The following NAV2 variants were observed in gnomAD, a reference collection of about 807,000 sequenced individuals.
NAV2 encodes helicase, APC down-regulated 1.
A neutral mutation model predicts 223.2 loss-of-function variants in NAV2; 54 were observed. The observed-to-expected ratio is 0.24, with a 90% CI of 0.19 to 0.30. NAV2 has a LOEUF of 0.30. Ranked by LOEUF, NAV2 falls within the 10% of genes least tolerant of loss-of-function variation. The pLI is 1.00. For synonymous variants in NAV2, 1,279 were observed against 1,239.3 expected, an observed-to-expected ratio of 1.03 and a Z score of -0.67; for missense variants, 2,806 against 3,147.5, an observed-to-expected ratio of 0.89 and a Z score of 2.60.
chr11:19,713,874 C>A lies in NAV2; in HGVS notation c.179C>A (p.Ser60Ter). 1 of 1,613,700 alleles carries A rather than the reference C, an allele frequency of 6.2e-7. No individual in the cohort carries two copies. Among genetic ancestry groups the A allele is most frequent in the Non-Finnish European group, 8.5e-7 (1 of 1,179,944 alleles). ...TATCCTAGCCAGATCCCCCTGAAAT[C>A]GCAGGTGCTGCAGGGGCTGCAGGAG... ...TTYPSQIPLK[S>*]QVLQGLQEPA... Residue 60 changes from serine (S) to a stop codon, truncating the protein, a stop_gained, in exon 1 of 38, where the codon TCG becomes TAG. Transcript: ENST00000349880. LOFTEE classifies it high-confidence loss of function. This position sits in a 1 kb window ranked among gnomAD's most constrained non-coding sequence, Gnocchi z 7.2.
intron 1 of NAV2, among the ~76,000 whole-genome samples, chr11:19,829,314 C>A (rs576219093): frequency 6.6e-6 from 1 of 152,312 alleles, no homozygotes; most frequent in African/African-American, 2.4e-5. Flanking sequence ...ACCAGCCTGG[C>A]CGGTTTCTGA....
At chr11:19,589,280 C>T (rs1262305735) in intron 1 of NAV2, among the ~76,000 whole-genome samples, 1 of 152,196 alleles carries the variant, frequency 6.6e-6, no homozygotes, top group Non-Finnish European at 1.5e-5. Flanking sequence ...AAAAACCTCC[C>T]AGCTTAACCA....
At chr11:20,006,321 T>C (rs2053067677) in intron 11 of NAV2, among the ~76,000 whole-genome samples, 1 of 151,918 alleles carries the variant, frequency 6.6e-6, no homozygotes, top group Non-Finnish European at 1.5e-5. Context: ...CTGGGGGTGG[T>C]AGCAGAGGCA....
At chr11:19,982,214 TTTTA>T (rs1232724285) in intron 10 of NAV2, among the ~76,000 whole-genome samples, 4 of 150,256 alleles carry the variant, frequency 2.7e-5, no homozygotes, top group Non-Finnish European at 5.9e-5. Flanking sequence ...AAATTCACCA[TTTTA>T]TTTATTTATT....
At chr11:19,798,862 C>G (rs2058071615) in intron 1 of NAV2, among the ~76,000 whole-genome samples, 1 of 152,166 alleles carries the variant, frequency 6.6e-6, no homozygotes, top group Non-Finnish European at 1.5e-5. Context: ...TGACTTCGAC[C>G]TATGAATCTA....
intron 11 of NAV2, among the ~76,000 whole-genome samples, chr11:19,994,625 C>A (rs1434294279): frequency 6.6e-6 from 1 of 151,392 alleles, no homozygotes; most frequent in African/African-American, 2.4e-5. Context: ...AATGTAAGAT[C>A]TGATTGAAAT....
At chr11:19,448,601 C>T (rs1433626755) in intron 1 of NAV2, among the ~76,000 whole-genome samples, 3 of 152,182 alleles carry the variant, frequency 2.0e-5, no homozygotes, top group African/African-American at 4.8e-5. Context: ...TTTTGTTTTA[C>T]GAGGTCTGGG....
chr11:19,545,082 C>T (rs1305666886), intron 1 of NAV2, among the ~76,000 whole-genome samples: 1 of 152,214 alleles, frequency 6.6e-6, no homozygotes, highest in Admixed American at 6.5e-5. Context: ...AAGACCCTTT[C>T]CCTCCCATGA....
At chr11:19,617,102 A>G (rs1204055632) in intron 1 of NAV2, among the ~76,000 whole-genome samples, 1 of 152,140 alleles carries the variant, frequency 6.6e-6, no homozygotes, top group African/African-American at 2.4e-5. Context: ...AAGTCTAGGT[A>G]ATACAGATTT....
chr11:20,066,500 G>T (rs753806515), intron 20 of NAV2, among the ~76,000 whole-genome samples: 1 of 152,190 alleles, frequency 6.6e-6, no homozygotes, highest in Non-Finnish European at 1.5e-5. Context: ...AGGATTAAAT[G>T]ACTTGGCTCC....
chr11:19,914,993 C>G (rs1026465331), intron 6 of NAV2, among the ~76,000 whole-genome samples: 2 of 152,172 alleles, frequency 1.3e-5, no homozygotes, highest in Non-Finnish European at 2.9e-5. Flanking sequence ...TTCTCCCCTT[C>G]TCTCCTCTTT....
intron 1 of NAV2, among the ~76,000 whole-genome samples, chr11:19,517,874 A>G (rs1565007369): frequency 6.6e-6 from 1 of 152,262 alleles, no homozygotes; most frequent in Admixed American, 6.5e-5. Flanking sequence ...ACTGAGCCCT[A>G]GCATTGGGGA....
chr11:19,628,960 T>C (rs1455476805), intron 1 of NAV2, among the ~76,000 whole-genome samples: 1 of 152,192 alleles, frequency 6.6e-6, no homozygotes, highest in Non-Finnish European at 1.5e-5. Flanking sequence ...TGCAAGCACC[T>C]GAGACTACAG....
chr11:19,427,653 A>G (rs568569719), intron 1 of NAV2, among the ~76,000 whole-genome samples: 128 of 152,312 alleles, frequency 8.4e-4, no homozygotes, highest in African/African-American at 3.0e-3. Context: ...CGGAATTGCA[A>G]TCTCCCACAG....
chr11:19,620,934 C>A (rs1490940158), intron 1 of NAV2, among the ~76,000 whole-genome samples: 1 of 152,118 alleles, frequency 6.6e-6, no homozygotes, highest in Admixed American at 6.5e-5. Flanking sequence ...AGATACATCC[C>A]ATTAATACCT....
intron 1 of NAV2, among the ~76,000 whole-genome samples, chr11:19,638,599 G>T (rs545874286): frequency 5.8e-4 from 88 of 152,252 alleles, no homozygotes; most frequent in Non-Finnish European, 1.0e-3. Context: ...TTATCACAAT[G>T]ACAGCATAAA....
In NAV2 at chr11:20,062,481, A is replaced by G. The variant is rs142533407; in HGVS notation, c.4884+122A>G. On this transcript the variant is annotated intron_variant, in intron 20 of 37. Coordinates refer to ENST00000349880, the MANE Select transcript of NAV2 (RefSeq NM_145117.5). ...AAGCATTTCCATTATAAGGGGATCAATTAATTAGGGAACAAGATTTAAAAT... is the reference window on the plus strand; with the variant it reads ...AAGCATTTCCATTATAAGGGGATCAGTTAATTAGGGAACAAGATTTAAAAT... The G allele has an allele frequency of 9.3e-4, 663 of 709,396 alleles. 3 individuals carry two copies. In the African/African-American group the frequency reaches 0.01, roughly 11 times the overall value. 43.9% of individuals were successfully genotyped at this position (709,396 alleles called of 1,614,324 possible). A position where few individuals can be genotyped will look rare whatever the true frequency, so the allele number is the denominator to read the frequency against.
chr11:20,044,417 C>T, intron 13 of NAV2, 145 bp downstream of exon 13: 1 of 736,620 alleles, frequency 1.4e-6, no homozygotes, highest in Non-Finnish European at 2.1e-6. Flanking sequence ...TTTCACATCC[C>T]TACCTTTTTC....
chr11:19,695,152 C>T (rs1028015987), intron 1 of NAV2, among the ~76,000 whole-genome samples: 5 of 152,194 alleles, frequency 3.3e-5, no homozygotes, highest in African/African-American at 1.2e-4. Flanking sequence ...CTCCCCTGGC[C>T]AGGTGCAGTC....
Sources: gnomAD v4.1 joint callset for allele counts (sites outside exome capture counted in the v4.1 genomes callset) on GRCh38, gnomAD v4.1.1 for gene constraint, Gnocchi (gnomAD v3.1) non-coding constraint, MANE v1.5 for transcripts, NCBI Gene and HGNC (gene_info 2026-07-23, HGNC 2026-07-21) for gene names.